Variants in AFG2A observed in about 807,000 individuals in gnomAD.
AFG2A encodes the protein AAA ATPase AFG2A, also known as ATPase family gene 2 protein homolog A.
chr4:122,935,653 T>G, the AFG2A span: 1 of 1,474,216 alleles, frequency 6.8e-7, no homozygotes, highest in Non-Finnish European at 9.0e-7. Flanking sequence ...TGAACTTGTA[T>G]GACAACATTT....
chr4:122,994,957 G>A, the AFG2A span, among the ~76,000 whole-genome samples: 1 of 151,928 alleles, frequency 6.6e-6, no homozygotes, highest in Non-Finnish European at 1.5e-5. Context: ...TTTTCACCTG[G>A]CACCTTTTCA....
chr4:122,955,656 A>C, the AFG2A span, among the ~76,000 whole-genome samples: 1 of 150,458 alleles, frequency 6.6e-6, no homozygotes, highest in African/African-American at 2.5e-5. Context: ...AAAACTTGGA[A>C]GAGATATTTA....
the AFG2A span, among the ~76,000 whole-genome samples, chr4:123,056,999 G>T: frequency 3.3e-5 from 5 of 152,196 alleles, no homozygotes; most frequent in Non-Finnish European, 7.3e-5. Context: ...AATATGTATT[G>T]ATAGTCTTGT....
At chr4:123,266,719 GTAAAGCTAATGTTTTTT>G in the AFG2A span, among the ~76,000 whole-genome samples, 1 of 151,750 alleles carries the variant, frequency 6.6e-6, no homozygotes, top group Non-Finnish European at 1.5e-5. Flanking sequence ...TTTCAAATGT[GTAAAGCTAATGTTTTTT>G]TATAAACTCC....
At chr4:123,230,357 A>G in the AFG2A span, among the ~76,000 whole-genome samples, 100 of 152,146 alleles carry the variant, frequency 6.6e-4, 2 homozygotes, top group South Asian at 0.021. Context: ...TTTCATCGCA[A>G]GAAACCACTT....
the AFG2A span, among the ~76,000 whole-genome samples, chr4:123,025,986 G>A: frequency 1.3e-4 from 20 of 152,272 alleles, no homozygotes; most frequent in African/African-American, 4.6e-4. Context: ...GAGTTAAAAG[G>A]TAGTTGGATT....
the AFG2A span, among the ~76,000 whole-genome samples, chr4:123,051,274 A>T: frequency 6.6e-6 from 1 of 151,314 alleles, no homozygotes; most frequent in African/African-American, 2.4e-5. Flanking sequence ...TATAGTTTTT[A>T]GCTTTGTAAT....
chr4:123,060,630 G>A, the AFG2A span, among the ~76,000 whole-genome samples: 4 of 152,220 alleles, frequency 2.6e-5, no homozygotes, highest in South Asian at 4.1e-4. Context: ...GGCAGGGGGG[G>A]CCCTGGACCT....
the AFG2A span, among the ~76,000 whole-genome samples, chr4:123,209,616 G>C: frequency 1.6e-5 from 2 of 129,014 alleles, no homozygotes; most frequent in East Asian, 2.3e-4. Flanking sequence ...TTTGAGATAG[G>C]TTTCACTGTC....
chr4:123,285,605 A>G, the AFG2A span, among the ~76,000 whole-genome samples: 3 of 152,074 alleles, frequency 2.0e-5, no homozygotes, highest in Non-Finnish European at 4.4e-5. Context: ...CACCACCAGT[A>G]CATCTCTTCA....
the AFG2A span, among the ~76,000 whole-genome samples, chr4:122,971,921 A>G: frequency 6.6e-6 from 1 of 152,038 alleles, no homozygotes; most frequent in African/African-American, 2.4e-5. Context: ...CTTTTGGCTG[A>G]TGTTTTGTTT....
chr4:123,128,191 T>C, the AFG2A span, among the ~76,000 whole-genome samples: 1 of 152,298 alleles, frequency 6.6e-6, no homozygotes, highest in South Asian at 2.1e-4. Context: ...TTTAAGAATA[T>C]AATTTTAAAA....
chr4:123,048,794 G>C, the AFG2A span, among the ~76,000 whole-genome samples: 2 of 152,176 alleles, frequency 1.3e-5, no homozygotes, highest in South Asian at 2.1e-4. Flanking sequence ...CTACATATGA[G>C]ATTATGTCAT....
the AFG2A span, among the ~76,000 whole-genome samples, chr4:123,226,553 A>T: frequency 2.6e-5 from 4 of 152,334 alleles, no homozygotes; most frequent in African/African-American, 7.2e-5. Flanking sequence ...CATCCCAGGA[A>T]TGAAGCCCAC....
the AFG2A span, among the ~76,000 whole-genome samples, chr4:123,215,214 G>A: frequency 6.6e-6 from 1 of 151,954 alleles, no homozygotes; most frequent in African/African-American, 2.4e-5. Context: ...CCAGTCTAGA[G>A]CTGAACCAGT....
chr4:123,190,313 C>G, the AFG2A span, among the ~76,000 whole-genome samples: 1 of 152,116 alleles, frequency 6.6e-6, no homozygotes, highest in Admixed American at 6.5e-5. Flanking sequence ...CTCATACTAG[C>G]GTTTGAATTA....
At chr4:123,140,161 A>C in the AFG2A span, among the ~76,000 whole-genome samples, 1 of 152,112 alleles carries the variant, frequency 6.6e-6, no homozygotes, top group East Asian at 1.9e-4. Context: ...TGTTTTCAGA[A>C]TATCTAACCT....
chr4:122,951,433 TACAC>T, the AFG2A span, among the ~76,000 whole-genome samples: 2,190 of 148,588 alleles, frequency 0.015, 52 homozygotes, highest in African/African-American at 0.05. Context: ...TTTTCCAAAG[TACAC>T]ACACACACAC....
At chr4:123,269,765 A>AG in the AFG2A span, among the ~76,000 whole-genome samples, 116,954 of 152,046 alleles carry the variant, frequency 0.77, 45,854 homozygotes, top group Non-Finnish European at 0.85. Context: ...CCCTTAATGC[A>AG]TCTTTTCTTT....
Sources: allele counts gnomAD v4.1 joint callset (sites outside exome capture counted in the v4.1 genomes callset), GRCh38; gene constraint gnomAD v4.1.1; transcripts MANE v1.5; gene names NCBI Gene and HGNC (gene_info 2026-07-23, HGNC 2026-07-21).